Variants in VAV3 observed in about 807,000 individuals in gnomAD.
VAV3 encodes the protein vav guanine nucleotide exchange factor 3, also known as guanine nucleotide exchange factor VAV3.
Under a neutral mutation model 131.2 loss-of-function variants are expected in VAV3, and 94 were observed. The observed-to-expected ratio is 0.72, with a 90% CI of 0.61 to 0.85. VAV3 has a LOEUF of 0.85. Ranked by LOEUF, VAV3 falls within the 40% of genes least tolerant of loss-of-function variation. The pLI, the probability that VAV3 is intolerant of heterozygous loss-of-function variation, is 0.00. For synonymous variants in VAV3, 349 were observed against 342.0 expected, an observed-to-expected ratio of 1.02 and a Z score of -0.22; for missense variants, 939 against 1,002.7, an observed-to-expected ratio of 0.94 and a Z score of 0.86.
At chr1:107,807,723 A>G (rs1667123686) in intron 2 of VAV3, among the ~76,000 whole-genome samples, 2 of 152,246 alleles carry the variant, frequency 1.3e-5, no homozygotes, top group Admixed American at 6.5e-5. Flanking sequence ...CTAGCAATCC[A>G]TATACATCTT....
At chr1:107,655,384 T>C (rs568742041) in intron 19 of VAV3, among the ~76,000 whole-genome samples, 1 of 152,244 alleles carries the variant, frequency 6.6e-6, no homozygotes, top group South Asian at 2.1e-4. Context: ...GGGCAATCTC[T>C]TCAGTAAATG....
chr1:107,670,054 G>A (rs1210961600), intron 19 of VAV3, among the ~76,000 whole-genome samples: 1 of 152,208 alleles, frequency 6.6e-6, no homozygotes. Context: ...TTGTGCCAGT[G>A]TATGTGGGTA....
At chr1:107,665,668 T>G (rs889589546) in intron 19 of VAV3, among the ~76,000 whole-genome samples, 1 of 152,168 alleles carries the variant, frequency 6.6e-6, no homozygotes, top group African/African-American at 2.4e-5. Context: ...GCTAACTAGT[T>G]TTACATACCT....
intron 2 of VAV3, among the ~76,000 whole-genome samples, chr1:107,810,649 G>T (rs1667273437): frequency 6.6e-6 from 1 of 152,058 alleles, no homozygotes; most frequent in Non-Finnish European, 1.5e-5. Flanking sequence ...AAATCTAGGA[G>T]ATAGTTTTTC....
chr1:107,935,384 T>C (rs1350144836), intron 1 of VAV3, among the ~76,000 whole-genome samples: 1 of 152,136 alleles, frequency 6.6e-6, no homozygotes, highest in African/African-American at 2.4e-5. Flanking sequence ...AGTAAATATA[T>C]AATTCTCCAG....
intron 17 of VAV3, among the ~76,000 whole-genome samples, chr1:107,692,815 A>G (rs1183248265): frequency 1.3e-5 from 2 of 152,212 alleles, no homozygotes; most frequent in Non-Finnish European, 2.9e-5. Context: ...ATATTAGGGC[A>G]GCTGAGGCTT....
At chr1:107,579,446 C>T (rs1385211057) in intron 25 of VAV3, among the ~76,000 whole-genome samples, 1 of 152,172 alleles carries the variant, frequency 6.6e-6, no homozygotes, top group Non-Finnish European at 1.5e-5. Context: ...CCTGCAAGAA[C>T]TCTCCTGTTC....
intron 1 of VAV3, among the ~76,000 whole-genome samples, chr1:107,908,936 A>C (rs1672241461): frequency 6.6e-6 from 1 of 152,018 alleles, no homozygotes; most frequent in Non-Finnish European, 1.5e-5. Flanking sequence ...TCAGCAAAAT[A>C]ACAAATACTT....
chr1:107,775,839 G>A (rs773047002), intron 4 of VAV3, among the ~76,000 whole-genome samples: 2 of 152,108 alleles, frequency 1.3e-5, no homozygotes, highest in Non-Finnish European at 2.9e-5. Context: ...GGAAAGAGCT[G>A]CTGGCCATCC....
chr1:107,941,562 G>C (rs557675455), intron 1 of VAV3, among the ~76,000 whole-genome samples: 1 of 152,132 alleles, frequency 6.6e-6, no homozygotes, highest in Non-Finnish European at 1.5e-5. Context: ...TAAAAGATTA[G>C]AGTTTCTGTA....
chr1:107,899,170 T>TC (rs1671745737), intron 1 of VAV3, among the ~76,000 whole-genome samples: 2 of 152,240 alleles, frequency 1.3e-5, no homozygotes, highest in Non-Finnish European at 2.9e-5. Context: ...ATGACTTTTT[T>TC]CACAATGCAG....
At position 107,683,515 on chromosome 1, in the gene VAV3, G is replaced by C. The variant is rs780335876; in HGVS notation, c.1750C>G (p.Arg584Gly). 37 of 1,613,760 alleles carry C rather than the reference G, an allele frequency of 2.3e-5. No homozygotes were observed. Among genetic ancestry groups the C allele is most frequent in the Non-Finnish European group, 3.1e-5 (36 of 1,179,870 alleles). ...GGATCCACCTGTTTAGGAGTTCTTC[G>C]CAGTCCATTGGTCCGTTTCTGTGCA... is the stretch of plus-strand genomic sequence containing the variant. Reference protein sequence around the residue: ...KLPEKRTNGLRRTPKQVDPGL... With the variant: ...KLPEKRTNGLGRTPKQVDPGL... The change falls in exon 19 of 27, where the codon CGA (arginine) becomes GGA (glycine). Residue 584 changes from arginine (R) to glycine (G), a missense_variant. Physicochemically the swap from Arg to Gly is moderately radical, Grantham distance 125 (BLOSUM62 -2). Coordinates refer to ENST00000370056, the MANE Select transcript of VAV3 (RefSeq NM_006113.5).
At chr1:107,763,414 G>A (rs1664551564) in intron 9 of VAV3, among the ~76,000 whole-genome samples, 1 of 152,154 alleles carries the variant, frequency 6.6e-6, no homozygotes, top group South Asian at 2.1e-4. Flanking sequence ...ATATAATGGA[G>A]GTGTGATTGA....
chr1:107,884,440 T>C (rs1196679539), intron 1 of VAV3, among the ~76,000 whole-genome samples: 1 of 136,164 alleles, frequency 7.3e-6, no homozygotes, highest in Non-Finnish European at 1.6e-5. Context: ...TTATTATTAT[T>C]ATTATTATTA....
intron 25 of VAV3, among the ~76,000 whole-genome samples, chr1:107,588,195 T>C (rs1469483466): frequency 6.6e-6 from 1 of 152,172 alleles, no homozygotes; most frequent in Non-Finnish European, 1.5e-5. Context: ...CAGCATCACT[T>C]ACTAATGAAG....
chr1:107,652,293 C>T (rs1656230493), intron 19 of VAV3, among the ~76,000 whole-genome samples: 1 of 152,126 alleles, frequency 6.6e-6, no homozygotes, highest in Non-Finnish European at 1.5e-5. Context: ...AGATACCCTA[C>T]ATGGTTTAAA....
At chr1:107,575,131 C>G (rs1231984950) in intron 25 of VAV3, among the ~76,000 whole-genome samples, 3 of 152,114 alleles carry the variant, frequency 2.0e-5, no homozygotes, top group Non-Finnish European at 4.4e-5. Context: ...TTGTTAGTCT[C>G]TAGTGTTTCA....
chr1:107,767,604 CA>C (rs1340359899), intron 7 of VAV3, among the ~76,000 whole-genome samples: 4 of 152,200 alleles, frequency 2.6e-5, no homozygotes, highest in African/African-American at 9.7e-5. Context: ...AACTGCTACT[CA>C]GCAACACAGA....
chr1:107,823,071 A>C (rs1274080771), intron 2 of VAV3, among the ~76,000 whole-genome samples: 1 of 152,204 alleles, frequency 6.6e-6, no homozygotes, highest in African/African-American at 2.4e-5. Flanking sequence ...CTGAAGAGAC[A>C]AGAAAAGTAA....
Sources: allele counts gnomAD v4.1 joint callset (sites outside exome capture counted in the v4.1 genomes callset), GRCh38; gene constraint gnomAD v4.1.1; transcripts MANE v1.5; gene names NCBI Gene and HGNC (gene_info 2026-07-23, HGNC 2026-07-21).